Variants in UTRN observed in about 807,000 individuals in gnomAD.
The protein encoded by UTRN is dystrophin-related protein 1.
Under a neutral mutation model 463.9 loss-of-function variants are expected in UTRN, and 283 were observed. The ratio of observed to expected loss-of-function variants is 0.61; its 90% CI spans 0.55 to 0.67. The LOEUF is 0.67. Ranked by LOEUF, UTRN falls within the 30% of genes least tolerant of loss-of-function variation. The pLI, the probability that UTRN is intolerant of heterozygous loss-of-function variation, is 0.00. For synonymous variants in UTRN, 1,442 were observed against 1,431.5 expected, an observed-to-expected ratio of 1.01 and a Z score of -0.17; for missense variants, 3,922 against 4,084.3, an observed-to-expected ratio of 0.96 and a Z score of 1.08.
intron 34 of UTRN, among the ~76,000 whole-genome samples, chr6:144,508,641 G>T (rs1049044857): frequency 2.0e-5 from 3 of 152,230 alleles, no homozygotes; most frequent in African/African-American, 7.2e-5. Flanking sequence ...TTTTGGTCTT[G>T]CTGGGAGCTG....
At chr6:144,551,205 T>C (rs1798884763) in intron 48 of UTRN, 123 bp downstream of exon 48, 7 of 605,800 alleles carry the variant, frequency 1.2e-5, no homozygotes, top group Non-Finnish European at 1.9e-5. Context: ...TAGAAAGTAA[T>C]AGTGTTTAAT....
At chr6:144,808,629 A>G (rs1586659144) in intron 65 of UTRN, among the ~76,000 whole-genome samples, 1 of 152,036 alleles carries the variant, frequency 6.6e-6, no homozygotes, top group Non-Finnish European at 1.5e-5. Flanking sequence ...TATTCATCAT[A>G]TAACTGAAAG....
chr6:144,734,771 G>T (rs112250709), intron 54 of UTRN, among the ~76,000 whole-genome samples: 422 of 152,264 alleles, frequency 2.8e-3, no homozygotes, highest in Non-Finnish European at 4.6e-3. Flanking sequence ...CCTTATTAGA[G>T]ATTTCCAACA....
intron 19 of UTRN, among the ~76,000 whole-genome samples, chr6:144,455,216 A>G (rs1282453572): frequency 1.3e-5 from 2 of 152,158 alleles, no homozygotes; most frequent in Non-Finnish European, 2.9e-5. Context: ...TCCATTTATT[A>G]TTAATAAATG....
chr6:144,412,762 T>TACAC (rs149751810), intron 3 of UTRN, among the ~76,000 whole-genome samples: 3,853 of 144,310 alleles, frequency 0.027, 101 homozygotes, highest in African/African-American at 0.067. Flanking sequence ...ACACACACCA[T>TACAC]ACACACACAC....
At chr6:144,525,758 T>G (rs1796518092) in intron 41 of UTRN, among the ~76,000 whole-genome samples, 3 of 152,264 alleles carry the variant, frequency 2.0e-5, no homozygotes, top group African/African-American at 7.2e-5. Context: ...ATCTAGTTCC[T>G]TGAGGTGTGA....
rs543404853 is a variant in UTRN, at chr6:144,633,389, C to T, written c.7480-45017C>T. 5.3e-4 allele frequency among the ~76,000 whole-genome samples: 80 copies of T among 152,240 alleles called. 1 individual carries two copies. In the South Asian group the frequency reaches 0.016, roughly 30 times the overall value. ...GGACTACAGGCACCTGCAACCACGC[C>T]CGGCTAATATTTTGTATTTTTTTTA... On this transcript the variant is annotated intron_variant, in intron 51 of 74. Coordinates refer to ENST00000367545, the MANE Select transcript of UTRN (RefSeq NM_007124.3).
chr6:144,802,604 A>T (rs572028642), intron 64 of UTRN, among the ~76,000 whole-genome samples: 1 of 152,286 alleles, frequency 6.6e-6, no homozygotes, highest in South Asian at 2.1e-4. Context: ...TCAAGGATGC[A>T]TTGTGATCAA....
intron 2 of UTRN, among the ~76,000 whole-genome samples, chr6:144,324,568 A>T (rs1775861612): frequency 6.6e-6 from 1 of 152,220 alleles, no homozygotes; most frequent in South Asian, 2.1e-4. Flanking sequence ...ATTCAAGACT[A>T]TGAGAACCAC....
rs756160592 is a variant in UTRN at position 144,444,335 on chromosome 6, A to G, written c.1567A>G (p.Arg523Gly). The part of the protein sequence containing the change: ...VCRWTEERWN[R>G]LQEINILWQE... ...CCGTTGGACTGAAGAACGCTGGAAT[A>G]GGTTACAAGAAATCAATATATTGTG... The change falls in exon 14 of 75, where the codon AGG becomes GGG. Residue 523 changes from arginine to glycine, a missense_variant. Around this residue, in one of 3 missense-constraint regions of UTRN, gnomAD observed 2,349 missense variants for 2,303.8 expected, o/e 1.02. Transcript: ENST00000367545. 17 of 1,610,978 alleles carry G rather than the reference A, an allele frequency of 1.1e-5. No individual in the cohort carries two copies. Among genetic ancestry groups the G allele is most frequent in the Non-Finnish European group, 1.4e-5 (16 of 1,178,194 alleles).
chr6:144,424,860 A>G (rs1320598419), intron 6 of UTRN, among the ~76,000 whole-genome samples: 1 of 152,212 alleles, frequency 6.6e-6, no homozygotes, highest in Admixed American at 6.5e-5. Flanking sequence ...TCTTATGTAA[A>G]CACAATAGCA....
At chr6:144,633,227 C>CT (rs34812473) in intron 51 of UTRN, among the ~76,000 whole-genome samples, 74,037 of 131,668 alleles carry the variant, frequency 0.56, 22,175 homozygotes, top group East Asian at 0.86. Context: ...ACTACTTCTC[C>CT]TTTTTTTTTT....
At chr6:144,375,946 C>A (rs1489050076) in intron 2 of UTRN, among the ~76,000 whole-genome samples, 3 of 152,050 alleles carry the variant, frequency 2.0e-5, no homozygotes, top group Non-Finnish European at 2.9e-5. Context: ...AGGGTAGCAG[C>A]CTTTTTATAA....
intron 33 of UTRN, among the ~76,000 whole-genome samples, chr6:144,494,748 C>G (rs1793433034): frequency 6.6e-6 from 1 of 152,116 alleles, no homozygotes; most frequent in African/African-American, 2.4e-5. Context: ...ACCAGAGTAG[C>G]TAGATACAGA....
chr6:144,465,691 G>T (rs1789885808), intron 23 of UTRN, among the ~76,000 whole-genome samples: 2 of 151,506 alleles, frequency 1.3e-5, no homozygotes, highest in African/African-American at 2.4e-5. Context: ...TGATTTACTT[G>T]GGAAAACTTT....
chr6:144,379,463 C>T (rs1035465077), intron 2 of UTRN, among the ~76,000 whole-genome samples: 6 of 152,154 alleles, frequency 3.9e-5, no homozygotes, highest in Admixed American at 6.5e-5. Flanking sequence ...TGCTGGTTCT[C>T]GGTCGAAGGC....
Position 144,485,325 on chromosome 6 carries a change from T to C in UTRN, c.3688-60T>C. 1.9e-6 allele frequency: 3 copies of C among 1,602,650 alleles called. No homozygotes were observed. In the South Asian group the frequency reaches 3.4e-5, roughly 18 times the overall value. ...ATTAGCGATTAAAGAGAATGTGTAG[T>C]ACTAGAGATACGATGTGTGAAATGG... On this transcript the variant is annotated intron_variant, in intron 27 of 74. Transcript: ENST00000367545.
intron 41 of UTRN, among the ~76,000 whole-genome samples, chr6:144,530,790 ATGTG>A (rs1324844836): frequency 1.3e-5 from 2 of 151,722 alleles, no homozygotes; most frequent in African/African-American, 2.4e-5. Flanking sequence ...GTGAGTGTGC[ATGTG>A]TGTGTGTATG....
intron 17 of UTRN, among the ~76,000 whole-genome samples, chr6:144,450,335 G>T (rs1021552682): frequency 7.2e-5 from 11 of 152,068 alleles, no homozygotes; most frequent in African/African-American, 2.7e-4. Flanking sequence ...ATCGTCAATT[G>T]TCCCTCCCTT....
Sources: allele counts gnomAD v4.1 joint callset (sites outside exome capture counted in the v4.1 genomes callset), GRCh38; gene constraint gnomAD v4.1.1; regional missense constraint gnomAD v4.1.1; transcripts MANE v1.5; gene names NCBI Gene and HGNC (gene_info 2026-07-23, HGNC 2026-07-21).